The following MYLK variants were observed in gnomAD, a reference collection of about 807,000 sequenced individuals.
MYLK encodes the protein myosin light chain kinase, smooth muscle.
MYLK carries 106 observed loss-of-function variants against 203.4 expected under a neutral mutation model. The ratio of observed to expected loss-of-function variants is 0.52; its 90% CI spans 0.45 to 0.61. The LOEUF (loss-of-function observed/expected upper bound fraction) is 0.61, where lower values mean the gene tolerates loss of function less well. Ranked by LOEUF, MYLK falls within the 20% of genes least tolerant of loss-of-function variation. The probability of loss-of-function intolerance (pLI) is 0.00; values close to 1 mark genes in which losing one functional copy is unlikely to be tolerated. For missense variants in MYLK, 2,072 were observed against 2,442.3 expected, an observed-to-expected ratio of 0.85 and a Z score of 3.20; for synonymous variants, 867 against 959.5, an observed-to-expected ratio of 0.90 and a Z score of 1.78.
rs1283153810 is a variant in MYLK, at chr3:123,642,800, A to C, written c.4620-2296T>G. Among the ~76,000 whole-genome samples the C allele has an allele frequency of 1.3e-5, 2 of 152,212 alleles. No individual in the cohort carries two copies. Among genetic ancestry groups the C allele is most frequent in the Admixed American group, 1.3e-4 (2 of 15,276 alleles). The stretch of plus-strand genomic sequence containing the variant: ...AAGACTAAATGAGTCAACACAGGTA[A>C]AGTGCTTGGAAGTGTCTGGCACACA... On this transcript the variant is annotated intron_variant, in intron 27 of 33. Coordinates refer to ENST00000360304, the MANE Select transcript of MYLK (RefSeq NM_053025.4). The surrounding 1 kb of genome is among the most constrained non-coding windows in gnomAD (Gnocchi z 4.2).
At chr3:123,633,630 G>A (rs1003483369) in intron 29 of MYLK, among the ~76,000 whole-genome samples, 2 of 152,178 alleles carry the variant, frequency 1.3e-5, no homozygotes, top group African/African-American at 4.8e-5. Flanking sequence ...GACTCTACAT[G>A]TTGATTTTTA....
chr3:123,729,276 C>T (rs1191544421), intron 11 of MYLK, among the ~76,000 whole-genome samples: 1 of 152,234 alleles, frequency 6.6e-6, no homozygotes, highest in East Asian at 1.9e-4. Context: ...TAGTTCAAGG[C>T]ATTTAAGGAA....
In MYLK at chr3:123,664,158, A is replaced by G; in HGVS notation, c.3932T>C (p.Leu1311Pro). ...RQEHCGCYTLLVENKLGSRQA... is the reference protein window; with the variant it reads ...RQEHCGCYTLPVENKLGSRQA... ...CCTGCTGCCCAGCTTGTTCTCCACCAGCAGTGTGTAGCAGCCGCAGTGCTC... is the reference window on the plus strand; with the variant it reads ...CCTGCTGCCCAGCTTGTTCTCCACCGGCAGTGTGTAGCAGCCGCAGTGCTC... The change falls in exon 23 of 34, where the codon CTG (leucine) becomes CCG (proline). Residue 1311 changes from leucine (L) to proline (P), a missense_variant. Leu to Pro is a moderately conservative substitution (Grantham distance 98). Coordinates refer to ENST00000360304, the MANE Select transcript of MYLK (RefSeq NM_053025.4). The G allele has an allele frequency of 6.2e-7, 1 of 1,614,114 alleles. No homozygotes were observed. Among genetic ancestry groups the G allele is most frequent in the Non-Finnish European group, 8.5e-7 (1 of 1,179,982 alleles).
chr3:123,766,381 T>C (rs1431947424), intron 4 of MYLK, among the ~76,000 whole-genome samples: 1 of 152,180 alleles, frequency 6.6e-6, no homozygotes, highest in Non-Finnish European at 1.5e-5. Flanking sequence ...CCACAGCACA[T>C]GCAGTCAGGG....
intron 20 of MYLK, among the ~76,000 whole-genome samples, chr3:123,669,248 CA>C (rs2059833248): frequency 6.6e-6 from 1 of 152,306 alleles, no homozygotes; most frequent in Admixed American, 6.5e-5. Context: ...GGCTCATTGT[CA>C]TCATTGATCC....
In MYLK at chr3:123,713,453, C is replaced by T. The variant is rs140051406; in HGVS notation, c.1805-3560G>A. 2.4e-3 allele frequency among the ~76,000 whole-genome samples: 370 copies of T among 152,168 alleles called. 2 individuals carry two copies. In the Middle Eastern group the frequency reaches 0.031, roughly 13 times the overall value. ...CGTCCCTTCAAAGGGAACCAGTCTCCTCCAACGGTGCCCATGGTGACCGCT... is the reference window on the plus strand; with the variant it reads ...CGTCCCTTCAAAGGGAACCAGTCTCTTCCAACGGTGCCCATGGTGACCGCT... On this transcript the variant is annotated intron_variant, in intron 13 of 33. Transcript: ENST00000360304.
In MYLK at chr3:123,629,588, T is replaced by C; in HGVS notation, c.5000A>G (p.Asn1667Ser). 1 of 1,614,088 alleles carries C rather than the reference T, an allele frequency of 6.2e-7. No homozygotes were observed. Among genetic ancestry groups the C allele is most frequent in the Admixed American group, 1.7e-5 (1 of 60,026 alleles). The stretch of plus-strand genomic sequence containing the variant: ...TGAGGTAACGTTGGCCAAGGTTTCG[T>C]TATCGTTGTCTCCCATGAAGGGGGA... ...GLSPFMGDND[N>S]ETLANVTSAT... The change falls in exon 30 of 34, where the codon AAC becomes AGC. Residue 1667 changes from asparagine (N) to serine (S), a missense_variant. Asn to Ser is a conservative substitution (Grantham distance 46, BLOSUM62 1). This residue lies in a region of MYLK where 524 missense variants were observed against 782.4 expected (regional missense o/e 0.67). Coordinates refer to ENST00000360304, the MANE Select transcript of MYLK (RefSeq NM_053025.4). The surrounding 1 kb of genome is among the most constrained non-coding windows in gnomAD (Gnocchi z 4.4).
At chr3:123,817,619 C>T (rs1388041286) in intron 3 of MYLK, among the ~76,000 whole-genome samples, 1 of 152,164 alleles carries the variant, frequency 6.6e-6, no homozygotes, top group Non-Finnish European at 1.5e-5. Context: ...CACAGAACCA[C>T]AGAATCTTAT....
intron 5 of MYLK, among the ~76,000 whole-genome samples, chr3:123,744,809 C>T (rs191774770): frequency 2.4e-4 from 36 of 152,184 alleles, no homozygotes; most frequent in African/African-American, 8.2e-4. Flanking sequence ...TATTACTGTT[C>T]CCCAAAGTTT....
At chr3:123,810,385 C>G (rs1460154827) in intron 3 of MYLK, among the ~76,000 whole-genome samples, 1 of 152,186 alleles carries the variant, frequency 6.6e-6, no homozygotes, top group Non-Finnish European at 1.5e-5. Flanking sequence ...CCCTGTGAGC[C>G]ATGGGTGAGC....
At chr3:123,867,213 T>C (rs1001094587) in intron 2 of MYLK, among the ~76,000 whole-genome samples, 1 of 152,024 alleles carries the variant, frequency 6.6e-6, no homozygotes. Flanking sequence ...CGGTGTAGTC[T>C]GTGATATGAA....
intron 23 of MYLK, among the ~76,000 whole-genome samples, chr3:123,660,783 A>T (rs2108297448): frequency 6.6e-6 from 1 of 152,368 alleles, no homozygotes; most frequent in Non-Finnish European, 1.5e-5. Context: ...TGTCCGGAGC[A>T]GACCAAGTGA....
intron 16 of MYLK, among the ~76,000 whole-genome samples, chr3:123,705,680 C>T (rs570154483): frequency 4.5e-4 from 68 of 152,290 alleles, no homozygotes; most frequent in African/African-American, 1.3e-3. Flanking sequence ...TCCTGGTGCA[C>T]GCCTCCTCTC....
At chr3:123,614,815 G>T (rs546420316) in intron 33 of MYLK, among the ~76,000 whole-genome samples, 1 of 150,664 alleles carries the variant, frequency 6.6e-6, no homozygotes, top group Non-Finnish European at 1.5e-5. Context: ...TTCACTTTTT[G>T]GGGGGTAGGG....
At chr3:123,759,007 T>C (rs2063449744) in intron 4 of MYLK, among the ~76,000 whole-genome samples, 1 of 152,114 alleles carries the variant, frequency 6.6e-6, no homozygotes, top group African/African-American at 2.4e-5. Context: ...TGTACTTTTG[T>C]AGAAATGGGG....
intron 18 of MYLK, among the ~76,000 whole-genome samples, chr3:123,699,313 G>A (rs755704174): frequency 2.0e-5 from 3 of 152,162 alleles, no homozygotes; most frequent in African/African-American, 7.2e-5. Flanking sequence ...AGTCCACACA[G>A]ATGGAAGGAT....
intron 3 of MYLK, among the ~76,000 whole-genome samples, chr3:123,805,617 G>A (rs1254104103): frequency 6.6e-6 from 1 of 152,190 alleles, no homozygotes; most frequent in Non-Finnish European, 1.5e-5. Flanking sequence ...AGTCCTAGGA[G>A]AGTAGTAACA....
At chr3:123,810,261 C>A (rs4678062) in intron 3 of MYLK, among the ~76,000 whole-genome samples, 3 of 152,042 alleles carry the variant, frequency 2.0e-5, no homozygotes, top group Non-Finnish European at 4.4e-5. Flanking sequence ...ACAGAATGGC[C>A]GTGTTTCCCG....
chr3:123,695,313 C>G (rs2108541850), intron 18 of MYLK, among the ~76,000 whole-genome samples: 1 of 152,238 alleles, frequency 6.6e-6, no homozygotes, highest in East Asian at 1.9e-4. Flanking sequence ...CATGTCAAAG[C>G]ACGGCTCACA....
Sources: allele counts gnomAD v4.1 joint callset (sites outside exome capture counted in the v4.1 genomes callset), GRCh38; gene constraint gnomAD v4.1.1; regional missense constraint gnomAD v4.1.1; non-coding constraint Gnocchi (gnomAD v3.1); transcripts MANE v1.5; gene names NCBI Gene and HGNC (gene_info 2026-07-23, HGNC 2026-07-21).